The following FAM169A variants were observed in gnomAD, a reference collection of about 807,000 sequenced individuals.
FAM169A encodes family with sequence similarity 169 member A, also known as soluble lamin-associated protein of 75 kDa.
In FAM169A, 24 loss-of-function variants were observed where a neutral mutation model predicts 75.7. That is an observed-to-expected ratio of 0.32 (90% CI 0.23 to 0.45). FAM169A has a LOEUF of 0.45. Ranked by LOEUF, FAM169A falls within the 20% of genes least tolerant of loss-of-function variation. The pLI, the probability that FAM169A is intolerant of heterozygous loss-of-function variation, is 1.00. For missense variants in FAM169A, 673 were observed against 784.0 expected (o/e 0.86, Z 1.69); for synonymous variants, 271 against 271.0 (o/e 1.00, Z 0.00).
intron 1 of FAM169A, among the ~76,000 whole-genome samples, chr5:74,861,841 C>A (rs1345545192): frequency 6.6e-6 from 1 of 152,184 alleles, no homozygotes; most frequent in Non-Finnish European, 1.5e-5. Context: ...TATCATTATG[C>A]ACGTCAGCCA....
chr5:74,790,241 A>G (rs1416773350), intron 11 of FAM169A, among the ~76,000 whole-genome samples: 5 of 152,236 alleles, frequency 3.3e-5, no homozygotes, highest in East Asian at 1.9e-4. Context: ...ATGGTTCTGC[A>G]TGATATGCAG....
intron 11 of FAM169A, among the ~76,000 whole-genome samples, chr5:74,786,601 A>C (rs932201562): frequency 6.6e-6 from 1 of 152,184 alleles, no homozygotes; most frequent in African/African-American, 2.4e-5. Flanking sequence ...AACATAATGA[A>C]GTTAGTTGGC....
intron 1 of FAM169A, among the ~76,000 whole-genome samples, chr5:74,847,380 G>A (rs539061650): frequency 1.3e-5 from 2 of 148,494 alleles, no homozygotes; most frequent in South Asian, 2.1e-4. Flanking sequence ...TGAAATTATA[G>A]AATAACTGTC....
intron 5 of FAM169A, among the ~76,000 whole-genome samples, chr5:74,822,796 A>G (rs1747829082): frequency 6.6e-6 from 1 of 152,210 alleles, no homozygotes; most frequent in African/African-American, 2.4e-5. Flanking sequence ...AAATTGAACT[A>G]AAGTATTATC....
chr5:74,819,254 T>C (rs893652222), intron 5 of FAM169A, among the ~76,000 whole-genome samples: 1 of 150,516 alleles, frequency 6.6e-6, no homozygotes, highest in Non-Finnish European at 1.5e-5. Context: ...ATTTGAAATA[T>C]TTCTATTCAA....
chr5:74,791,107 A>C (rs1745952813), intron 11 of FAM169A, among the ~76,000 whole-genome samples: 1 of 152,134 alleles, frequency 6.6e-6, no homozygotes, highest in Non-Finnish European at 1.5e-5. Flanking sequence ...GGAATTCACT[A>C]TTCTTACCAT....
intron 6 of FAM169A, 116 bp from the exon 7 acceptor site, chr5:74,805,400 A>G (rs1746814131): frequency 1.3e-6 from 1 of 753,940 alleles, no homozygotes. Context: ...CCTTGATACC[A>G]AAACACCAGC....
intron 2 of FAM169A, among the ~76,000 whole-genome samples, chr5:74,840,721 C>T (rs1394596972): frequency 6.6e-6 from 1 of 150,906 alleles, no homozygotes; most frequent in Non-Finnish European, 1.5e-5. Flanking sequence ...CCTAGCTACT[C>T]GGGAGGCTAA....
At chr5:74,788,966 C>G (rs1281561654) in intron 11 of FAM169A, among the ~76,000 whole-genome samples, 3 of 152,218 alleles carry the variant, frequency 2.0e-5, no homozygotes, top group Non-Finnish European at 4.4e-5. Context: ...ATTAACATAT[C>G]TCCTGGTACC....
rs572940865 is a variant in FAM169A at position 74,805,422 on chromosome 5, A to G, written c.671-138T>C. The G allele has an allele frequency of 6.0e-6, 3 of 496,050 alleles. No individual in the cohort carries two copies. In the South Asian group the frequency reaches 1.5e-4, roughly 24 times the overall value. The allele number at this position is 496,050 out of a possible 1,614,324, so 30.7% of individuals were successfully genotyped here. Reference sequence around the variant, plus strand: ...ACCAAAACACCAGCAACACAACTCAAGTATACAGTAGTTTCATTTATAAAT... The same window carrying G: ...ACCAAAACACCAGCAACACAACTCAGGTATACAGTAGTTTCATTTATAAAT... On this transcript the variant is annotated intron_variant, in intron 6 of 12. Transcript: ENST00000687041.
Position 74,805,206 on chromosome 5 carries a change from T to C in FAM169A, c.749A>G (p.Gln250Arg). The stretch of plus-strand genomic sequence containing the variant: ...TAATGCTCTGGTGACTGGTATTCGC[T>C]GGTACCAGTGTCCAACACCTTCAAC... ...WEVEGVGHWY[Q>R]RIPVTRALQR... Residue 250 changes from glutamine (Q) to arginine (R), a missense_variant, in exon 7 of 13, where the codon CAG becomes CGG. Around this residue, in one of 3 missense-constraint regions of FAM169A, gnomAD observed 510 missense variants for 550.9 expected, o/e 0.93. Coordinates refer to ENST00000687041, the MANE Select transcript of FAM169A (RefSeq NM_001376049.1). 6.2e-7 allele frequency: 1 copy of C among 1,611,168 alleles called. No individual in the cohort carries two copies. The highest frequency in any genetic ancestry group is 8.5e-7 in the Non-Finnish European group (1 of 1,177,252).
chr5:74,791,271 G>A (rs966009497), intron 11 of FAM169A, among the ~76,000 whole-genome samples: 1 of 152,144 alleles, frequency 6.6e-6, no homozygotes, highest in Admixed American at 6.6e-5. Flanking sequence ...TCCAGTATAT[G>A]GTACTGTTTC....
At chr5:74,841,835 T>G (rs1362117283) in intron 1 of FAM169A, among the ~76,000 whole-genome samples, 156 bp from the exon 2 acceptor site, 1 of 152,230 alleles carries the variant, frequency 6.6e-6, no homozygotes, top group Non-Finnish European at 1.5e-5. Context: ...ACCTGCTGAT[T>G]TAACCATGCA....
rs73762955 is a variant in FAM169A at position 74,814,076 on chromosome 5, T to C, written c.491-57A>G. ...TCTCACATTAAAAAATATACATACA[T>C]TTAGTGACATGAGTTAACAGTCTTT... On this transcript the variant is annotated intron_variant, in intron 5 of 12. Coordinates refer to ENST00000687041, the MANE Select transcript of FAM169A (RefSeq NM_001376049.1). The C allele has an allele frequency of 4.4e-3, 5,862 of 1,341,662 alleles. 221 individuals are homozygous for C. In the African/African-American group the frequency reaches 0.078, roughly 18 times the overall value. 83.1% of individuals were successfully genotyped at this position (1,341,662 alleles called of 1,614,324 possible). A position where few individuals can be genotyped will look rare whatever the true frequency, so the allele number is the denominator to read the frequency against.
rs2166730 is a variant in FAM169A at position 74,786,852 on chromosome 5, T to C, written c.1261-3718A>G. Among the ~76,000 whole-genome samples the C allele has an allele frequency of 3.6e-4, 55 of 152,200 alleles. 1 individual carries two copies. In the South Asian group the frequency reaches 0.011, roughly 30 times the overall value. On this transcript the variant is annotated intron_variant, in intron 11 of 12. Coordinates refer to ENST00000687041, the MANE Select transcript of FAM169A (RefSeq NM_001376049.1). Reference sequence around the variant, plus strand: ...TCTACTCTTAAAGTGAGGGCCCTGATTGGAAAAGAATGGGACCCTGCAACT... The same window carrying C: ...TCTACTCTTAAAGTGAGGGCCCTGACTGGAAAAGAATGGGACCCTGCAACT...
chr5:74,800,810 A>G (rs984953086), intron 10 of FAM169A, 70 bp downstream of exon 10: 2 of 614,602 alleles, frequency 3.3e-6, no homozygotes, highest in African/African-American at 3.9e-5. Flanking sequence ...TTAAATATTG[A>G]TAATATAAAA....
chr5:74,799,506 C>T, intron 10 of FAM169A: 2 of 1,587,600 alleles, frequency 1.3e-6, no homozygotes, highest in African/African-American at 1.3e-5. Flanking sequence ...TGTTTTCTTC[C>T]TACATTAAAG....
At chr5:74,866,920 C>T, upstream of FAM169A, 1 of 985,506 alleles carries the variant, frequency 1.0e-6, no homozygotes, top group Non-Finnish European at 1.2e-6. Context: ...AAACCTACTG[C>T]CACTTAGGTG....
chr5:74,832,390 T>C (rs753769168), intron 5 of FAM169A, among the ~76,000 whole-genome samples: 4 of 151,892 alleles, frequency 2.6e-5, no homozygotes, highest in African/African-American at 7.2e-5. Context: ...GTAAGAGAAT[T>C]TGACCTCATA....
Sources: allele counts gnomAD v4.1 joint callset (sites outside exome capture counted in the v4.1 genomes callset), GRCh38; gene constraint gnomAD v4.1.1; regional missense constraint gnomAD v4.1.1; transcripts MANE v1.5; gene names NCBI Gene and HGNC (gene_info 2026-07-23, HGNC 2026-07-21).